Variants in ATAD5 observed in about 807,000 individuals in gnomAD.
ATAD5 encodes ATPase family AAA domain-containing protein 5.
ATAD5 carries 58 observed loss-of-function variants against 176.9 expected under a neutral mutation model. The ratio of observed to expected loss-of-function variants is 0.33; its 90% confidence interval spans 0.27 to 0.41. The LOEUF (loss-of-function observed/expected upper bound fraction) is 0.41. ATAD5 is among the 10% of genes least tolerant of loss of function. The pLI, the probability that ATAD5 is intolerant of heterozygous loss-of-function variation, is 1.00. For missense variants in ATAD5, 1,789 were observed against 2,094.1 expected, an observed-to-expected ratio of 0.85 and a Z score of 2.84; for synonymous variants, 640 against 712.6, an observed-to-expected ratio of 0.90 and a Z score of 1.62.
chr17:30,861,554 A>G (rs1907636213), intron 10 of ATAD5, among the ~76,000 whole-genome samples: 1 of 151,858 alleles, frequency 6.6e-6, no homozygotes, highest in Non-Finnish European at 1.5e-5. Context: ...TTGAGACAGC[A>G]TCTCTCTCCG....
rs765916888 is a variant in ATAD5, at chr17:30,837,236, A to T, written c.1998A>T (p.Lys666Asn). Residue 666 changes from lysine (K) to asparagine (N), a missense_variant, in exon 3 of 23, where the codon AAA becomes AAT. Lys to Asn is a moderately conservative substitution (Grantham distance 94). This residue lies in a region of ATAD5 where 487 missense variants were observed against 573.6 expected (regional missense o/e 0.85). Coordinates refer to ENST00000321990, the MANE Select transcript of ATAD5 (RefSeq NM_024857.5). ...RMKFTRISTP[K>N]KSKKKSNKRS... ...AATTCACCAGAATTAGTACTCCCAAAAAATCTAAGAAAAAATCTAACAAAA... is the reference window on the plus strand; with the variant it reads ...AATTCACCAGAATTAGTACTCCCAATAAATCTAAGAAAAAATCTAACAAAA... 6 of 1,571,348 alleles carry T rather than the reference A, an allele frequency of 3.8e-6. No individual in the cohort carries two copies. In the African/African-American group the frequency reaches 8.3e-5, roughly 22 times the overall value.
At chr17:30,857,234 T>C (rs1907340775) in intron 8 of ATAD5, 122 bp downstream of exon 8, 9 of 1,145,474 alleles carry the variant, frequency 7.9e-6, no homozygotes, top group Admixed American at 3.5e-5. Flanking sequence ...TTTTTTTTTT[T>C]TTGAGACAGA....
At chr17:30,850,870 T>TATATATATA (rs71142003) in intron 6 of ATAD5, among the ~76,000 whole-genome samples, 22 of 12,236 alleles carry the variant, frequency 1.8e-3, no homozygotes, top group Non-Finnish European at 2.7e-3. Context: ...TATATATATA[T>TATATATATA]TTTTTTTTTT....
At chr17:30,868,272 C>T in intron 11 of ATAD5, 61 bp from the exon 12 acceptor site, 1 of 1,340,810 alleles carries the variant, frequency 7.5e-7, no homozygotes, top group Non-Finnish European at 1.0e-6. Flanking sequence ...ATCATTTTAA[C>T]ATAAAGTCTA....
In ATAD5 at chr17:30,888,603, A is replaced by AT. The variant is rs1310771130; in HGVS notation, c.4258+1238dup. 2.6e-5 allele frequency among the ~76,000 whole-genome samples: 4 copies of AT among 152,006 alleles called. No homozygotes were observed. In the East Asian group the frequency reaches 7.7e-4, roughly 29 times the overall value. On this transcript the variant is annotated intron_variant, in intron 19 of 22. Coordinates refer to ENST00000321990, the MANE Select transcript of ATAD5 (RefSeq NM_024857.5). ...AATTAAACTGGATCTAGAAAGTTGG[A>AT]TTTTTTTCCTGGCTATGCTACTCTT...
intron 10 of ATAD5, among the ~76,000 whole-genome samples, chr17:30,865,203 C>A (rs1161527844): frequency 6.8e-6 from 1 of 146,964 alleles, no homozygotes; most frequent in African/African-American, 2.5e-5. Flanking sequence ...GACGGAGTCT[C>A]GCTCTGTCGC....
In ATAD5 at chr17:30,888,325, A is replaced by G. The variant is rs115715641; in HGVS notation, c.4258+953A>G. On this transcript the variant is annotated intron_variant, in intron 19 of 22. Coordinates refer to ENST00000321990, the MANE Select transcript of ATAD5 (RefSeq NM_024857.5). Reference sequence around the variant, plus strand: ...TCAGCACTTTGGGAGGCCAAGGGGCATGGATTCCTTGAGCTCAGGAGTTTG... The same window carrying G: ...TCAGCACTTTGGGAGGCCAAGGGGCGTGGATTCCTTGAGCTCAGGAGTTTG... Among the ~76,000 whole-genome samples the G allele has an allele frequency of 4.0e-3, 607 of 152,060 alleles. 2 individuals are homozygous for G. Among genetic ancestry groups the G allele is most frequent in the African/African-American group, 0.014 (587 of 41,500 alleles).
rs571390869 is a variant in ATAD5 at position 30,856,845 on chromosome 17, G to GT, written c.2636-107dup. The GT allele has an allele frequency of 8.4e-5, 87 of 1,031,312 alleles. No homozygotes were observed. In the African/African-American group the frequency reaches 1.0e-3, roughly 12 times the overall value. The allele number at this position is 1,031,312 out of a possible 1,614,324, so 63.9% of individuals were successfully genotyped here. A position where few individuals can be genotyped will look rare whatever the true frequency, so the allele number is the denominator to read the frequency against. On this transcript the variant is annotated intron_variant, in intron 7 of 22. Transcript: ENST00000321990. ...TTTATAGTCATGTGGTTTTTGGTAT[G>GT]TTTGTGTTAATTATGTAGTTGTCAA...
At position 30,877,510 on chromosome 17, in the gene ATAD5, C is replaced by T; in HGVS notation, c.3879C>T (p.Pro1293=). The T allele has an allele frequency of 3.1e-6, 5 of 1,610,904 alleles. No homozygotes were observed. The highest frequency in any genetic ancestry group is 2.5e-6 in the Non-Finnish European group (3 of 1,178,962). The stretch of plus-strand genomic sequence containing the variant: ...TCAAAGACGTTGGAGCTGAAGAACC[C>T]AGCAGAAAAAATGCAACATCTCTTA... ...SNVKDVGAEE[P]SRKNATSLIL... is the part of the protein sequence containing the mutation. The change falls in exon 16 of 23, where the codon CCC becomes CCT. Residue 1293 remains proline (P), a synonymous_variant. Transcript: ENST00000321990.
At chr17:30,871,115 C>T (rs1053252596) in intron 14 of ATAD5, among the ~76,000 whole-genome samples, 3 of 141,846 alleles carry the variant, frequency 2.1e-5, no homozygotes, top group Non-Finnish European at 4.5e-5. Context: ...CTTTTTGTTT[C>T]AGTTTGGTTA....
At chr17:30,856,731 T>C (rs1907310875) in intron 7 of ATAD5, among the ~76,000 whole-genome samples, 1 of 152,208 alleles carries the variant, frequency 6.6e-6, no homozygotes, top group South Asian at 2.1e-4. Flanking sequence ...AAGGAAAGTT[T>C]GTTAATATTT....
intron 12 of ATAD5, among the ~76,000 whole-genome samples, chr17:30,868,775 G>A (rs1908157763): frequency 6.6e-6 from 1 of 150,856 alleles, no homozygotes; most frequent in South Asian, 2.1e-4. Context: ...AAAGTGCTGG[G>A]ATTAAGCAGT....
At chr17:30,844,158 T>C (rs775418748) in intron 5 of ATAD5, 119 bp downstream of exon 5, 3 of 963,904 alleles carry the variant, frequency 3.1e-6, no homozygotes, top group Non-Finnish European at 4.2e-6. Context: ...AGACGGAGTC[T>C]CGCTTTGTCA....
At chr17:30,838,741 G>A (rs958952916) in intron 3 of ATAD5, among the ~76,000 whole-genome samples, 1 of 152,198 alleles carries the variant, frequency 6.6e-6, no homozygotes, top group Admixed American at 6.6e-5. Flanking sequence ...TTTGCCTCAT[G>A]TACTACTTAA....
At chr17:30,881,997 C>T (rs1909048396) in intron 18 of ATAD5, among the ~76,000 whole-genome samples, 1 of 151,970 alleles carries the variant, frequency 6.6e-6, no homozygotes, top group South Asian at 2.1e-4. Context: ...CAGTGGCTCA[C>T]GCCTGTAATC....
intron 11 of ATAD5, among the ~76,000 whole-genome samples, chr17:30,866,440 C>G (rs925211568): frequency 6.7e-6 from 1 of 150,092 alleles, no homozygotes; most frequent in African/African-American, 2.4e-5. Context: ...AGGTGGTCCA[C>G]CCGCCTTGGC....
At position 30,895,704 on chromosome 17, in the gene ATAD5, C is replaced by A. The variant is rs910909536; in HGVS notation, c.*791C>A. 36 of 152,090 alleles carry A rather than the reference C, an allele frequency of 2.4e-4. No homozygotes were observed. The highest frequency in any genetic ancestry group is 8.7e-4 in the African/African-American group (36 of 41,388). 9.4% of individuals were successfully genotyped at this position (152,090 alleles called of 1,614,324 possible). A position where few individuals can be genotyped will look rare whatever the true frequency, so the allele number is the denominator to read the frequency against. Reference sequence around the variant, plus strand: ...CACAGGCGTGAGCCACCTCACCTGGCCTATATTGTACAGTTTTGAACAGTA... The same window carrying A: ...CACAGGCGTGAGCCACCTCACCTGGACTATATTGTACAGTTTTGAACAGTA... On this transcript the variant is annotated 3_prime_UTR_variant, in exon 23 of 23. Transcript: ENST00000321990.
chr17:30,855,081 T>A (rs1359675426), intron 6 of ATAD5, 62 bp from the exon 7 acceptor site: 2 of 1,402,084 alleles, frequency 1.4e-6, no homozygotes, highest in African/African-American at 1.5e-5. Context: ...ATTTTCCAGA[T>A]AGTTTATTCC....
intron 14 of ATAD5, 59 bp from the exon 15 acceptor site, chr17:30,876,315 C>G: frequency 6.9e-7 from 1 of 1,440,494 alleles, no homozygotes; most frequent in Non-Finnish European, 9.4e-7. Context: ...GGCTAACTGT[C>G]TTGCTACCTG....
Sources: allele counts gnomAD v4.1 joint callset (sites outside exome capture counted in the v4.1 genomes callset), GRCh38; gene constraint gnomAD v4.1.1; regional missense constraint gnomAD v4.1.1; transcripts MANE v1.5; gene names NCBI Gene and HGNC (gene_info 2026-07-23, HGNC 2026-07-21).